Variants in PARD3 observed in about 807,000 individuals in gnomAD.
The protein encoded by PARD3 is partitioning defective 3 homolog.
Under a neutral mutation model 155.4 loss-of-function variants are expected in PARD3, and 75 were observed. The observed-to-expected ratio is 0.48, with a 90% CI of 0.40 to 0.58. PARD3 has a LOEUF of 0.58. Ranked by LOEUF, PARD3 falls within the 20% of genes least tolerant of loss-of-function variation. The pLI, the probability that PARD3 is intolerant of heterozygous loss-of-function variation, is 0.00. For synonymous variants in PARD3, 576 were observed against 610.5 expected (o/e 0.94, Z 0.83); for missense variants, 1,642 against 1,721.7 (o/e 0.95, Z 0.82).
intron 20 of PARD3, among the ~76,000 whole-genome samples, chr10:34,314,701 T>C (rs563783753): frequency 2.9e-4 from 44 of 152,344 alleles, no homozygotes; most frequent in South Asian, 1.9e-3. Flanking sequence ...CGGGAAAAGC[T>C]GCACAGTCGT....
rs1836294834 is a variant in PARD3 at position 34,337,303 on chromosome 10, T to C, written c.2532A>G (p.Thr844=). The C allele has an allele frequency of 6.2e-7, 1 of 1,600,244 alleles. No homozygotes were observed. The highest frequency in any genetic ancestry group is 1.3e-5 in the African/African-American group (1 of 74,082). The part of the protein sequence containing the change: ...SDASQLDFVK[T]RKSKSMDLGI... ...CTAAATCCATGCTTTTTGATTTTCGTGTTTTAACGAAATCCAATTGACTGG... is the reference window on the plus strand; with the variant it reads ...CTAAATCCATGCTTTTTGATTTTCGCGTTTTAACGAAATCCAATTGACTGG... The change falls in exon 17 of 25, where the codon ACA becomes ACG. Residue 844 remains threonine, a synonymous_variant. Transcript: ENST00000374788.
At chr10:34,513,893 CA>C (rs1334706396) in intron 3 of PARD3, among the ~76,000 whole-genome samples, 9 of 152,118 alleles carry the variant, frequency 5.9e-5, no homozygotes, top group Non-Finnish European at 7.4e-5. Context: ...TTGTCACAAC[CA>C]AAAATATCAT....
chr10:34,665,316 A>T (rs2093423474), intron 2 of PARD3, among the ~76,000 whole-genome samples: 1 of 151,716 alleles, frequency 6.6e-6, no homozygotes, highest in Non-Finnish European at 1.5e-5. Flanking sequence ...GTTCGAGACC[A>T]GCCTGACCAA....
At chr10:34,430,806 G>A (rs941730552) in intron 5 of PARD3, among the ~76,000 whole-genome samples, 13 of 152,300 alleles carry the variant, frequency 8.5e-5, no homozygotes, top group Non-Finnish European at 1.2e-4. Flanking sequence ...GAGGATCACA[G>A]GGGTCAGGCT....
At chr10:34,187,117 C>T (rs557678901) in intron 22 of PARD3, among the ~76,000 whole-genome samples, 7 of 152,246 alleles carry the variant, frequency 4.6e-5, no homozygotes, top group Non-Finnish European at 1.0e-4. Context: ...AGTCTTGGGT[C>T]CAAGTTTTGG....
chr10:34,703,196 A>G (rs1387146734), intron 1 of PARD3, among the ~76,000 whole-genome samples: 2 of 151,998 alleles, frequency 1.3e-5, no homozygotes, highest in Non-Finnish European at 2.9e-5. Flanking sequence ...CAGCCTGGGC[A>G]ACACAGCAAG....
rs940846840 is a variant in PARD3 at position 34,240,066 on chromosome 10, C to A, written c.3419+29591G>T. 2.6e-5 allele frequency among the ~76,000 whole-genome samples: 4 copies of A among 152,242 alleles called. No individual in the cohort carries two copies. In the East Asian group the frequency reaches 7.7e-4, roughly 29 times the overall value. The stretch of plus-strand genomic sequence containing the variant: ...ACATTCTCAGTGATTTAGCGTATGA[C>A]CCCCGTCTAATTCCTTTAGGTTGTT... On this transcript the variant is annotated intron_variant, in intron 22 of 24. Transcript: ENST00000374788.
At position 34,472,246 on chromosome 10, in the gene PARD3, T is replaced by C. The variant is rs1479806717; in HGVS notation, c.404-1983A>G. On this transcript the variant is annotated intron_variant, in intron 3 of 24. Coordinates refer to ENST00000374788, the MANE Select transcript of PARD3 (RefSeq NM_001184785.2). Reference sequence around the variant, plus strand: ...AGAAACATAAACATGAGGATTTTAATAATTTCTGGATTTTAGTGTCTGTAA... The same window carrying C: ...AGAAACATAAACATGAGGATTTTAACAATTTCTGGATTTTAGTGTCTGTAA... Among the ~76,000 whole-genome samples the C allele has an allele frequency of 2.0e-5, 3 of 152,202 alleles. No homozygotes were observed. In the East Asian group the frequency reaches 5.8e-4, roughly 29 times the overall value.
intron 4 of PARD3, among the ~76,000 whole-genome samples, chr10:34,465,524 A>G (rs904185571): frequency 1.3e-5 from 2 of 152,236 alleles, no homozygotes; most frequent in African/African-American, 4.8e-5. Flanking sequence ...ACTAAACCAA[A>G]CAGAAATAAT....
chr10:34,467,423 G>A (rs1264018138), intron 4 of PARD3, among the ~76,000 whole-genome samples: 7 of 151,308 alleles, frequency 4.6e-5, no homozygotes, highest in Admixed American at 6.6e-5. Flanking sequence ...CTATAAGTTC[G>A]CCAAATTTTC....
intron 2 of PARD3, among the ~76,000 whole-genome samples, chr10:34,534,367 A>G (rs2133826365): frequency 6.6e-6 from 1 of 152,176 alleles, no homozygotes; most frequent in African/African-American, 2.4e-5. Context: ...TTCCACTCCA[A>G]AGGACGGGCG....
intron 5 of PARD3, among the ~76,000 whole-genome samples, chr10:34,448,176 T>C (rs1389730257): frequency 1.3e-5 from 2 of 149,738 alleles, no homozygotes; most frequent in African/African-American, 2.5e-5. Context: ...CACATAAATG[T>C]ATAAAATGGA....
chr10:34,283,709 T>C (rs1051703581), intron 21 of PARD3, among the ~76,000 whole-genome samples: 1 of 152,130 alleles, frequency 6.6e-6, no homozygotes, highest in African/African-American at 2.4e-5. Context: ...TGAATTCTTA[T>C]TATATTTAAA....
intron 2 of PARD3, among the ~76,000 whole-genome samples, chr10:34,668,176 T>G (rs1415854135): frequency 6.6e-6 from 1 of 152,174 alleles, no homozygotes; most frequent in Non-Finnish European, 1.5e-5. Context: ...ATGAAAACCA[T>G]CAAGACTCCA....
intron 2 of PARD3, among the ~76,000 whole-genome samples, chr10:34,641,988 C>T (rs1393189418): frequency 2.0e-5 from 3 of 152,100 alleles, no homozygotes; most frequent in Admixed American, 1.3e-4. Context: ...GTAATGAACA[C>T]CTAAGGTCCC....
intron 20 of PARD3, among the ~76,000 whole-genome samples, chr10:34,306,356 T>C (rs937447320): frequency 6.6e-6 from 1 of 151,252 alleles, no homozygotes; most frequent in African/African-American, 2.4e-5. Flanking sequence ...TAAAAGAACT[T>C]CAATAATAAA....
At chr10:34,636,623 G>A (rs958554202) in intron 2 of PARD3, among the ~76,000 whole-genome samples, 2 of 152,218 alleles carry the variant, frequency 1.3e-5, no homozygotes, top group African/African-American at 4.8e-5. Context: ...TGGTGTGCTA[G>A]TTCCCGTCAA....
intron 2 of PARD3, among the ~76,000 whole-genome samples, chr10:34,524,481 C>T (rs1461572090): frequency 6.6e-6 from 1 of 152,168 alleles, no homozygotes; most frequent in Admixed American, 6.6e-5. Flanking sequence ...CATAGTCTAT[C>T]ACCCACTGAG....
At chr10:34,323,552 TA>T (rs1255994334) in intron 19 of PARD3, among the ~76,000 whole-genome samples, 1 of 152,204 alleles carries the variant, frequency 6.6e-6, no homozygotes, top group Non-Finnish European at 1.5e-5. Context: ...CACTCTACTC[TA>T]AAAATAGCTC....
Sources: gnomAD v4.1 joint callset for allele counts (sites outside exome capture counted in the v4.1 genomes callset) on GRCh38, gnomAD v4.1.1 for gene constraint, MANE v1.5 for transcripts, NCBI Gene and HGNC (gene_info 2026-07-23, HGNC 2026-07-21) for gene names.